Variants in DCC observed in about 807,000 individuals in gnomAD.
The protein encoded by DCC is DCC netrin 1 receptor, also known as netrin receptor DCC.
Under a neutral mutation model 172.5 loss-of-function variants are expected in DCC, and 58 were observed. The ratio of observed to expected loss-of-function variants is 0.34; its 90% CI spans 0.27 to 0.42. The LOEUF is 0.42. DCC is among the 10% of genes least tolerant of loss of function. The pLI, the probability that DCC is intolerant of heterozygous loss-of-function variation, is 1.00. For missense variants in DCC, 1,740 were observed against 1,791.0 expected, an observed-to-expected ratio of 0.97 and a Z score of 0.51; for synonymous variants, 709 against 644.5, an observed-to-expected ratio of 1.10 and a Z score of -1.52.
At chr18:52,501,764 T>G (rs1013257758) in intron 1 of DCC, among the ~76,000 whole-genome samples, 1 of 152,160 alleles carries the variant, frequency 6.6e-6, no homozygotes, top group African/African-American at 2.4e-5. Flanking sequence ...TTTTTTCTAA[T>G]TAGTTGTTGC....
chr18:52,787,503 A>G (rs2037682357), intron 2 of DCC, among the ~76,000 whole-genome samples: 1 of 152,154 alleles, frequency 6.6e-6, no homozygotes, highest in Admixed American at 6.6e-5. Flanking sequence ...ATATACTCAG[A>G]CATTAGAATT....
chr18:52,541,887 ATATATATATGTG>A (rs1009108285), intron 1 of DCC, among the ~76,000 whole-genome samples: 56 of 139,164 alleles, frequency 4.0e-4, no homozygotes, highest in African/African-American at 1.2e-3. Context: ...ATATATATAT[ATATATATATGTG>A]TATATATATA....
chr18:53,049,310 A>G (rs2144032462), intron 5 of DCC, among the ~76,000 whole-genome samples: 1 of 152,092 alleles, frequency 6.6e-6, no homozygotes, highest in South Asian at 2.1e-4. Context: ...GTTTTTAAAT[A>G]GTTTTAGGTT....
intron 1 of DCC, among the ~76,000 whole-genome samples, chr18:52,621,058 A>C (rs559690958): frequency 6.6e-6 from 1 of 152,316 alleles, no homozygotes; most frequent in East Asian, 1.9e-4. Context: ...TGCAGAGCCA[A>C]CCTTCAGGAC....
At chr18:52,927,735 C>G (rs2040242177) in intron 5 of DCC, among the ~76,000 whole-genome samples, 1 of 152,006 alleles carries the variant, frequency 6.6e-6, no homozygotes, top group East Asian at 1.9e-4. Flanking sequence ...GTCAGAATGT[C>G]TATTACTAAA....
intron 1 of DCC, among the ~76,000 whole-genome samples, chr18:52,417,571 C>T (rs1415472403): frequency 6.6e-6 from 1 of 152,100 alleles, no homozygotes; most frequent in Non-Finnish European, 1.5e-5. Context: ...TTGTTTGTTT[C>T]TTTTTATTCT....
At chr18:52,740,901 G>C (rs1243196134) in intron 1 of DCC, among the ~76,000 whole-genome samples, 1 of 152,118 alleles carries the variant, frequency 6.6e-6, no homozygotes, top group Non-Finnish European at 1.5e-5. Context: ...ATTTTTTTCT[G>C]TAAGTAGCAA....
chr18:53,027,654 T>C (rs970158776), intron 5 of DCC, among the ~76,000 whole-genome samples: 22 of 152,064 alleles, frequency 1.4e-4, no homozygotes, highest in Non-Finnish European at 3.1e-4. Flanking sequence ...GCAGCAGTCA[T>C]TTCCATTTTC....
chr18:53,226,442 A>G (rs1308300812), intron 12 of DCC, among the ~76,000 whole-genome samples: 1 of 152,114 alleles, frequency 6.6e-6, no homozygotes, highest in African/African-American at 2.4e-5. Context: ...TCTGTACCTC[A>G]AGCTATGTAT....
chr18:53,029,706 C>T (rs897462357), intron 5 of DCC, among the ~76,000 whole-genome samples: 1 of 152,064 alleles, frequency 6.6e-6, no homozygotes, highest in African/African-American at 2.4e-5. Context: ...AACCACAAAA[C>T]CCTATCCTAT....
intron 1 of DCC, among the ~76,000 whole-genome samples, chr18:52,739,299 T>C (rs979334167): frequency 3.3e-5 from 5 of 152,160 alleles, no homozygotes; most frequent in Admixed American, 6.5e-5. Context: ...TATGTTATGA[T>C]TTTTCTTTCA....
chr18:53,222,600 C>T (rs1446175063), intron 12 of DCC, among the ~76,000 whole-genome samples: 3 of 151,690 alleles, frequency 2.0e-5, no homozygotes, highest in Non-Finnish European at 4.4e-5. Flanking sequence ...ATTGTCCAGG[C>T]TGGTCTTGAA....
At chr18:52,613,312 T>C (rs971749631) in intron 1 of DCC, among the ~76,000 whole-genome samples, 10 of 152,066 alleles carry the variant, frequency 6.6e-5, no homozygotes, top group African/African-American at 2.2e-4. Context: ...CTGGAGTGCA[T>C]TGGTGCTAGC....
chr18:53,479,045 C>A (rs901805823), intron 25 of DCC, among the ~76,000 whole-genome samples: 2 of 152,172 alleles, frequency 1.3e-5, no homozygotes, highest in Non-Finnish European at 2.9e-5. Context: ...TGCCCACAAC[C>A]AACCAAGAAT....
chr18:53,180,393 T>C (rs1038024644), intron 9 of DCC, among the ~76,000 whole-genome samples: 1 of 152,192 alleles, frequency 6.6e-6, no homozygotes, highest in African/African-American at 2.4e-5. Flanking sequence ...TATTTGGAAA[T>C]GCAGGCCCCC....
At chr18:52,700,914 C>A (rs1447355193) in intron 1 of DCC, among the ~76,000 whole-genome samples, 1 of 152,194 alleles carries the variant, frequency 6.6e-6, no homozygotes, top group Non-Finnish European at 1.5e-5. Flanking sequence ...ATTGCAAGTA[C>A]AAAATTTCCT....
chr18:52,633,968 C>A (rs1300107790), intron 1 of DCC, among the ~76,000 whole-genome samples: 2 of 152,258 alleles, frequency 1.3e-5, no homozygotes, highest in African/African-American at 4.8e-5. Flanking sequence ...GGACACACAG[C>A]AACCCTGCTC....
chr18:53,183,085 T>C (rs1245667256), intron 9 of DCC, among the ~76,000 whole-genome samples: 2 of 152,190 alleles, frequency 1.3e-5, no homozygotes, highest in Admixed American at 6.5e-5. Flanking sequence ...ATTACATAGC[T>C]TGTATACAAA....
intron 19 of DCC, among the ~76,000 whole-genome samples, chr18:53,409,539 G>T (rs2145052659): frequency 6.6e-6 from 1 of 152,148 alleles, no homozygotes; most frequent in Admixed American, 6.6e-5. Context: ...GGTGTTATCT[G>T]GCAATATAAT....
Sources: gnomAD v4.1 joint callset for allele counts (sites outside exome capture counted in the v4.1 genomes callset) on GRCh38, gnomAD v4.1.1 for gene constraint, MANE v1.5 for transcripts, NCBI Gene and HGNC (gene_info 2026-07-23, HGNC 2026-07-21) for gene names.